The following NDUFAF6 variants were observed in gnomAD, a reference collection of about 807,000 sequenced individuals.
The protein encoded by NDUFAF6 is NADH:ubiquinone oxidoreductase complex assembly factor 6, also known as NADH dehydrogenase (ubiquinone) complex I, assembly factor 6.
A neutral mutation model predicts 40.8 loss-of-function variants in NDUFAF6; 45 were observed. The observed-to-expected ratio is 1.10, with a 90% CI of 0.87 to 1.42. The LOEUF (loss-of-function observed/expected upper bound fraction) is 1.42. Ranked by LOEUF, NDUFAF6 falls within the 40% of genes most tolerant of loss-of-function variation. The pLI is 0.00. For synonymous variants in NDUFAF6, 185 were observed against 155.9 expected, an observed-to-expected ratio of 1.19 and a Z score of -1.39; for missense variants, 435 against 418.5, an observed-to-expected ratio of 1.04 and a Z score of -0.34.
chr8:95,027,801 G>A (rs1226666180), intron 1 of NDUFAF6, among the ~76,000 whole-genome samples: 1 of 150,896 alleles, frequency 6.6e-6, no homozygotes, highest in African/African-American at 2.5e-5. Context: ...TTTGGCCTCT[G>A]AAATTATGCA....
At chr8:95,047,805 G>A (rs546589977) in intron 6 of NDUFAF6, among the ~76,000 whole-genome samples, 23 of 151,492 alleles carry the variant, frequency 1.5e-4, no homozygotes, top group Admixed American at 3.9e-4. Context: ...CACTGCGCCC[G>A]GCGAGAACTT....
chr8:95,101,304 G>C (rs1809638339), intron 2 of NDUFAF6: 1 of 152,134 alleles, frequency 6.6e-6, no homozygotes, highest in Non-Finnish European at 1.5e-5. Context: ...TTAGGCTAAG[G>C]AATTTCTGCA....
chr8:95,053,627 C>CT (rs200115852), intron 8 of NDUFAF6, among the ~76,000 whole-genome samples: 61 of 151,350 alleles, frequency 4.0e-4, no homozygotes, highest in African/African-American at 1.5e-3. Flanking sequence ...CTTTCTTTTT[C>CT]TTTCTTTTTT....
chr8:94,989,044 G>T (rs777889799), intron 2 of NDUFAF6: 1 of 152,178 alleles, frequency 6.6e-6, no homozygotes, highest in Non-Finnish European at 1.5e-5. Context: ...TTGATGAAAT[G>T]TTCCAAAATT....
At chr8:94,933,552 G>A (rs545373875) in intron 1 of NDUFAF6, among the ~76,000 whole-genome samples, 8 of 152,230 alleles carry the variant, frequency 5.3e-5, no homozygotes, top group African/African-American at 1.9e-4. Flanking sequence ...CTCACCTGAA[G>A]TCAGGAGTTT....
At chr8:94,930,183 GCTGA>G (rs1820252273) in intron 1 of NDUFAF6, 1 of 291,662 alleles carries the variant, frequency 3.4e-6, no homozygotes, top group African/African-American at 2.2e-5. Context: ...TCTTTAAAAT[GCTGA>G]CTAATGTATA....
intron 2 of NDUFAF6, among the ~76,000 whole-genome samples, chr8:95,014,729 A>G (rs1236799277): frequency 6.6e-6 from 1 of 152,238 alleles, no homozygotes; most frequent in Non-Finnish European, 1.5e-5. Flanking sequence ...CAACCAGTCT[A>G]TGAATACTTT....
intron 1 of NDUFAF6, among the ~76,000 whole-genome samples, chr8:94,922,004 G>C (rs796623683): frequency 2.6e-5 from 4 of 151,442 alleles, no homozygotes; most frequent in Non-Finnish European, 4.4e-5. Context: ...GTGTTTTTTT[G>C]TTTTTTTCTT....
At chr8:95,041,422 G>T in intron 3 of NDUFAF6, 148 bp from the exon 4 acceptor site, 1 of 593,736 alleles carries the variant, frequency 1.7e-6, no homozygotes. Context: ...CTTTTTCCCT[G>T]ATACTTCTTT....
At chr8:94,913,121 C>T (rs990116110) in intron 1 of NDUFAF6, among the ~76,000 whole-genome samples, 3 of 152,194 alleles carry the variant, frequency 2.0e-5, no homozygotes, top group Non-Finnish European at 4.4e-5. Context: ...TATGCCTGTG[C>T]ATACACAAAG....
At chr8:95,006,353 C>T (rs1477738752) in intron 2 of NDUFAF6, among the ~76,000 whole-genome samples, 2 of 27,096 alleles carry the variant, frequency 7.4e-5, no homozygotes, top group Non-Finnish European at 1.6e-4. Flanking sequence ...AAGACTCCGT[C>T]TCAAAAAAAA....
intron 2 of NDUFAF6, among the ~76,000 whole-genome samples, chr8:95,006,218 C>T (rs1423109500): frequency 2.0e-5 from 3 of 151,768 alleles, no homozygotes; most frequent in East Asian, 1.9e-4. Flanking sequence ...ATTAGCTGGG[C>T]GTGATGCTGG....
upstream of NDUFAF6, among the ~76,000 whole-genome samples, chr8:95,100,161 G>T (rs1464645996): frequency 6.6e-6 from 1 of 151,834 alleles, no homozygotes; most frequent in Admixed American, 6.6e-5. Flanking sequence ...TTCATGCTGT[G>T]TAAGGAATAA....
At chr8:95,111,525 T>C (rs907358284) in intron 4 of NDUFAF6, among the ~76,000 whole-genome samples, 2 of 152,252 alleles carry the variant, frequency 1.3e-5, no homozygotes, top group Admixed American at 1.3e-4. Flanking sequence ...TTCCTCTTGC[T>C]GTTTAGCCAT....
chr8:95,079,860 G>A (rs1393402298), downstream of NDUFAF6, among the ~76,000 whole-genome samples: 3 of 151,234 alleles, frequency 2.0e-5, no homozygotes, highest in Non-Finnish European at 2.9e-5. Flanking sequence ...CCACCACCAC[G>A]CCTGGCTAAA....
At chr8:94,917,139 A>C (rs949369684) in intron 1 of NDUFAF6, among the ~76,000 whole-genome samples, 2 of 151,746 alleles carry the variant, frequency 1.3e-5, no homozygotes, top group Non-Finnish European at 2.9e-5. Flanking sequence ...GAAAGAAAAA[A>C]GCCACAAATA....
chr8:95,071,353 T>G (rs536131781), intron 9 of NDUFAF6, among the ~76,000 whole-genome samples: 2 of 130,612 alleles, frequency 1.5e-5, no homozygotes, highest in East Asian at 2.3e-4. Context: ...AGCCGAGATC[T>G]CACCACTGCA....
In NDUFAF6 at chr8:95,000,105, G is replaced by A. The variant is rs375474848; in HGVS notation, c.-84+19132G>A. 3.3e-5 allele frequency among the ~76,000 whole-genome samples: 5 copies of A among 152,166 alleles called. No individual in the cohort carries two copies. The South Asian group carries it at 1.0e-3, about 32-fold the overall frequency. On this transcript the variant is annotated intron_variant, in intron 2 of 9. Transcript: ENST00000396111. ...TAATCCCAGAACTTTGGGAGGCTGAGGCAGGTGGATCAATTGAGCTCAGGA... is the reference window on the plus strand; with the variant it reads ...TAATCCCAGAACTTTGGGAGGCTGAAGCAGGTGGATCAATTGAGCTCAGGA...
At chr8:94,952,749 C>T (rs973434830) in intron 2 of NDUFAF6, among the ~76,000 whole-genome samples, 4 of 152,200 alleles carry the variant, frequency 2.6e-5, no homozygotes, top group African/African-American at 9.7e-5. Context: ...ACCCTGCAAC[C>T]TTTGTGACTT....
Sources: gnomAD v4.1 joint callset for allele counts (sites outside exome capture counted in the v4.1 genomes callset) on GRCh38, gnomAD v4.1.1 for gene constraint, MANE v1.5 for transcripts, NCBI Gene and HGNC (gene_info 2026-07-23, HGNC 2026-07-21) for gene names.